Variants in CRIM1 observed in about 807,000 individuals in gnomAD.
CRIM1 encodes the protein cysteine rich transmembrane BMP regulator 1, also known as cysteine-rich motor neuron 1 protein.
In CRIM1, 32 loss-of-function variants were observed where a neutral mutation model predicts 116.4. That is an observed-to-expected ratio of 0.27 (90% CI 0.21 to 0.37). The LOEUF is 0.37. Among genes scored for constraint, CRIM1 ranks in the 10% least tolerant of loss-of-function variants. The probability of loss-of-function intolerance (pLI) is 1.00; values close to 1 mark genes in which losing one functional copy is unlikely to be tolerated. For missense variants in CRIM1, 1,331 were observed against 1,354.8 expected, an observed-to-expected ratio of 0.98 and a Z score of 0.28; for synonymous variants, 590 against 509.2, an observed-to-expected ratio of 1.16 and a Z score of -2.13.
intron 14 of CRIM1, among the ~76,000 whole-genome samples, chr2:36,540,439 T>G (rs1337117299): frequency 6.6e-6 from 1 of 152,088 alleles, no homozygotes; most frequent in Non-Finnish European, 1.5e-5. Flanking sequence ...GAGCTAGATT[T>G]TAAAGGACAG....
rs143481321 is a variant in CRIM1 at position 36,356,576 on chromosome 2, C to A, written c.284C>A (p.Pro95Gln). The A allele has an allele frequency of 1.2e-6, 2 of 1,612,046 alleles. No individual in the cohort carries two copies. Among genetic ancestry groups the A allele is most frequent in the Non-Finnish European group, 1.7e-6 (2 of 1,179,758 alleles). The change falls in exon 1 of 17, where the codon CCG becomes CAG. Residue 95 changes from proline (P) to glutamine (Q), a missense_variant. Pro to Gln is a moderately conservative substitution (Grantham distance 76). Transcript: ENST00000280527. The surrounding 1 kb of genome is among the most constrained non-coding windows in gnomAD (Gnocchi z 4.3). ...GGGCTGCGTTGTGTCATCCGCCCCC[C>A]GCTCAATGGCGACTCCCTCACCGAG... ...DRGLRCVIRP[P>Q]LNGDSLTEYE...
At chr2:36,383,864 A>G (rs373640769) in intron 1 of CRIM1, among the ~76,000 whole-genome samples, 1 of 152,236 alleles carries the variant, frequency 6.6e-6, no homozygotes, top group Non-Finnish European at 1.5e-5. Flanking sequence ...GTGAACATGC[A>G]TAGTATACTC....
chr2:36,500,095 G>T (rs1680880847), intron 8 of CRIM1, among the ~76,000 whole-genome samples: 1 of 152,144 alleles, frequency 6.6e-6, no homozygotes, highest in Non-Finnish European at 1.5e-5. Context: ...GGGAGGCTAA[G>T]GCAGGCAGAT....
At position 36,548,904 on chromosome 2, in the gene CRIM1, G is replaced by T; in HGVS notation, c.*203G>T. Reference sequence around the variant, plus strand: ...ACTTTTCCTCAAGATAACTGACCAAGTGTTTTCTTAGAACCAAAGTTTTTA... The same window carrying T: ...ACTTTTCCTCAAGATAACTGACCAATTGTTTTCTTAGAACCAAAGTTTTTA... On this transcript the variant is annotated 3_prime_UTR_variant, in exon 17 of 17. Coordinates refer to ENST00000280527, the MANE Select transcript of CRIM1 (RefSeq NM_016441.3). The T allele has an allele frequency of 5.5e-6, 2 of 360,792 alleles. No homozygotes were observed. Among genetic ancestry groups the T allele is most frequent in the Non-Finnish European group, 9.6e-6 (2 of 208,094 alleles). 22.3% of individuals were successfully genotyped at this position (360,792 alleles called of 1,614,324 possible). A position where few individuals can be genotyped will look rare whatever the true frequency, so the allele number is the denominator to read the frequency against.
intron 11 of CRIM1, among the ~76,000 whole-genome samples, chr2:36,514,744 C>T (rs1458642255): frequency 4.6e-5 from 7 of 152,148 alleles, no homozygotes; most frequent in African/African-American, 1.7e-4. Flanking sequence ...GAGGCCTGGT[C>T]CTTGTGCAAC....
chr2:36,517,497 C>G lies in CRIM1; in HGVS notation c.2161C>G (p.Gln721Glu). ...AGAGGTGTGCCCACCGCTGCTCTGC[C>G]AGAACCCCTCACGCACCCAGGATTC... ...ETEVCPPLLC[Q>E]NPSRTQDSCC... Residue 721 changes from glutamine (Q) to glutamate (E), a missense_variant, in exon 12 of 17, where the codon CAG becomes GAG. This residue lies in a region of CRIM1 where 358 missense variants were observed against 436.1 expected (regional missense o/e 0.82). Transcript: ENST00000280527. The G allele has an allele frequency of 6.2e-7, 1 of 1,614,172 alleles. No individual in the cohort carries two copies. Among genetic ancestry groups the G allele is most frequent in the Non-Finnish European group, 8.5e-7 (1 of 1,180,014 alleles).
chr2:36,534,336 G>A (rs1284681846), intron 13 of CRIM1, among the ~76,000 whole-genome samples: 1 of 133,678 alleles, frequency 7.5e-6, no homozygotes, highest in Non-Finnish European at 1.6e-5. Context: ...GAGAAAAGGA[G>A]GGAGGGAGGA....
intron 7 of CRIM1, among the ~76,000 whole-genome samples, chr2:36,496,284 A>C (rs967097342): frequency 2.6e-5 from 4 of 152,234 alleles, no homozygotes; most frequent in African/African-American, 9.6e-5. Flanking sequence ...AACATATCAC[A>C]ATGACTATTG....
intron 7 of CRIM1, among the ~76,000 whole-genome samples, chr2:36,488,767 T>C (rs951390004): frequency 1.3e-5 from 2 of 152,218 alleles, no homozygotes; most frequent in Non-Finnish European, 2.9e-5. Flanking sequence ...CAGAATTTAA[T>C]GCTAGCTGCC....
At chr2:36,423,697 A>C (rs922433795) in intron 2 of CRIM1, among the ~76,000 whole-genome samples, 2 of 152,204 alleles carry the variant, frequency 1.3e-5, no homozygotes, top group Non-Finnish European at 2.9e-5. Flanking sequence ...TAGACTTTAC[A>C]TTGTTGACTG....
In CRIM1 at chr2:36,499,479, G is replaced by A; in HGVS notation, c.1501+132G>A. ...ACAACCTGAAAAAAAGGGGAAAAAA[G>A]TTATTTTTAACACAAACAAATACAT... On this transcript the variant is annotated intron_variant, in intron 8 of 16. Coordinates refer to ENST00000280527, the MANE Select transcript of CRIM1 (RefSeq NM_016441.3). The A allele has an allele frequency of 5.4e-6, 5 of 921,222 alleles. No homozygotes were observed. The South Asian group carries it at 8.7e-5, about 16-fold the overall frequency. The allele number at this position is 921,222 out of a possible 1,614,324, so 57.1% of individuals were successfully genotyped here.
chr2:36,497,459 G>C (rs1290638573), intron 7 of CRIM1, among the ~76,000 whole-genome samples: 1 of 152,162 alleles, frequency 6.6e-6, no homozygotes, highest in African/African-American at 2.4e-5. Context: ...ATAAAAGAAA[G>C]ACTAATAGGT....
chr2:36,541,584 G>A (rs1033258906), intron 14 of CRIM1, among the ~76,000 whole-genome samples: 9 of 152,170 alleles, frequency 5.9e-5, no homozygotes, highest in East Asian at 1.9e-4. Flanking sequence ...ACCTCGCCCC[G>A]TATTCCAGAA....
Position 36,481,917 on chromosome 2 carries a change from C to G in CRIM1, c.1372+2223C>G, listed in dbSNP as rs150473879. Among the ~76,000 whole-genome samples the G allele has an allele frequency of 2.3e-3, 346 of 152,250 alleles. 2 individuals are homozygous for G. The highest frequency in any genetic ancestry group is 7.9e-3 in the African/African-American group (330 of 41,530). ...GAGGAGTGAGGGCAGTCAGCGGAGG[C>G]AAGGGAGGAAATCATTTTGCAGTTT... On this transcript the variant is annotated intron_variant, in intron 7 of 16. Transcript: ENST00000280527.
chr2:36,467,173 C>T (rs1190351275), intron 5 of CRIM1, among the ~76,000 whole-genome samples: 2 of 152,182 alleles, frequency 1.3e-5, no homozygotes, highest in East Asian at 3.9e-4. Flanking sequence ...CATCTCTGGT[C>T]GTTGCTTCTT....
intron 1 of CRIM1, among the ~76,000 whole-genome samples, chr2:36,385,254 A>G (rs1671090456): frequency 6.6e-6 from 1 of 152,150 alleles, no homozygotes; most frequent in African/African-American, 2.4e-5. Context: ...ACTTCAGATA[A>G]ATTATTAAGG....
intron 1 of CRIM1, among the ~76,000 whole-genome samples, chr2:36,393,790 C>T (rs1010756230): frequency 1.3e-5 from 2 of 152,086 alleles, no homozygotes; most frequent in Non-Finnish European, 2.9e-5. Flanking sequence ...GCAGTTCCTG[C>T]GTGTTTCTGG....
At chr2:36,424,418 G>A (rs4670146) in intron 2 of CRIM1, among the ~76,000 whole-genome samples, 1 of 151,952 alleles carries the variant, frequency 6.6e-6, no homozygotes, top group South Asian at 2.1e-4. Flanking sequence ...GTAAATGTTG[G>A]GTGGTAGGTG....
At position 36,356,726 on chromosome 2, in the gene CRIM1, G is replaced by A. The variant is rs1668836936; in HGVS notation, c.331+103G>A. On this transcript the variant is annotated intron_variant, in intron 1 of 16. Transcript: ENST00000280527. The surrounding 1 kb of genome is among the most constrained non-coding windows in gnomAD (Gnocchi z 4.3). The stretch of plus-strand genomic sequence containing the variant: ...GGGCGAGACTTTCTGGAGGAAAGAG[G>A]GCTCTGCGGGAAGAGGGGCGGCCGC... The A allele has an allele frequency of 2.5e-6, 3 of 1,189,264 alleles. No homozygotes were observed. The highest frequency in any genetic ancestry group is 3.1e-5 in the South Asian group (2 of 65,204). The allele number at this position is 1,189,264 out of a possible 1,614,324, so 73.7% of individuals were successfully genotyped here.
Sources: gnomAD v4.1 joint callset for allele counts (sites outside exome capture counted in the v4.1 genomes callset) on GRCh38, gnomAD v4.1.1 for gene constraint, gnomAD v4.1.1 regional missense constraint, Gnocchi (gnomAD v3.1) non-coding constraint, MANE v1.5 for transcripts, NCBI Gene and HGNC (gene_info 2026-07-23, HGNC 2026-07-21) for gene names.